Variants in P4HA1 observed in about 807,000 individuals in gnomAD.
The protein encoded by P4HA1 is prolyl 4-hydroxylase subunit alpha-1.
A neutral mutation model predicts 72.8 loss-of-function variants in P4HA1; 24 were observed. That is an observed-to-expected ratio of 0.33 (90% CI 0.24 to 0.46). The LOEUF (loss-of-function observed/expected upper bound fraction) is 0.46, where lower values mean the gene tolerates loss of function less well. Ranked by LOEUF, P4HA1 falls within the 20% of genes least tolerant of loss-of-function variation. P4HA1 has a pLI of 1.00. For missense variants in P4HA1, 446 were observed against 640.6 expected, an observed-to-expected ratio of 0.70 and a Z score of 3.28; for synonymous variants, 201 against 218.8, an observed-to-expected ratio of 0.92 and a Z score of 0.72.
chr10:73,034,094 G>T (rs1213418108), intron 9 of P4HA1, among the ~76,000 whole-genome samples: 1 of 152,040 alleles, frequency 6.6e-6, no homozygotes, highest in Non-Finnish European at 1.5e-5. Flanking sequence ...TGCCTGTGTA[G>T]TCCTAGCTAC....
At chr10:73,086,424 A>C (rs1841924354) in intron 1 of P4HA1, among the ~76,000 whole-genome samples, 1 of 152,202 alleles carries the variant, frequency 6.6e-6, no homozygotes, top group South Asian at 2.1e-4. Context: ...CTAGAAACAA[A>C]AAGTAGATTA....
At chr10:73,014,646 G>T (rs1839976611) in intron 11 of P4HA1, among the ~76,000 whole-genome samples, 1 of 152,054 alleles carries the variant, frequency 6.6e-6, no homozygotes, top group Non-Finnish European at 1.5e-5. Context: ...AGACTTATTA[G>T]CCTAAACGAC....
chr10:73,009,544 CT>C (rs1264280560), intron 14 of P4HA1: 6 of 362,086 alleles, frequency 1.7e-5, no homozygotes, highest in Non-Finnish European at 3.1e-5. Context: ...ATTATTAACC[CT>C]TTGAGGGGAA....
chr10:73,015,344 G>T (rs12251674), intron 11 of P4HA1, among the ~76,000 whole-genome samples: 4,473 of 152,118 alleles, frequency 0.029, 209 homozygotes, highest in African/African-American at 0.096. Flanking sequence ...AATGTCCTTC[G>T]ATGGGTGAAT....
intron 7 of P4HA1, among the ~76,000 whole-genome samples, chr10:73,047,833 T>G (rs1413848189): frequency 6.6e-6 from 1 of 152,118 alleles, no homozygotes; most frequent in Non-Finnish European, 1.5e-5. Flanking sequence ...GAGGATCACT[T>G]GAGCCCAAGG....
intron 5 of P4HA1, among the ~76,000 whole-genome samples, chr10:73,055,297 C>T (rs546512819): frequency 6.6e-6 from 1 of 152,296 alleles, no homozygotes; most frequent in African/African-American, 2.4e-5. Flanking sequence ...CTCCATCTCC[C>T]AGGTTCAAGC....
rs1269409326 is a variant in P4HA1 at position 73,051,215 on chromosome 10, T to C, written c.738A>G (p.Lys246=). 1 of 1,602,334 alleles carries C rather than the reference T, an allele frequency of 6.2e-7. No homozygotes were observed. The highest frequency in any genetic ancestry group is 2.2e-5 in the East Asian group (1 of 44,832). ...PEHQRANGNL[K]YFEYIMAKEK... Reference sequence around the variant, plus strand: ...CTTTAGCCATTATATACTCAAAATATTTTAAGTTACCATTAGCTCTCTGAT... The same window carrying C: ...CTTTAGCCATTATATACTCAAAATACTTTAAGTTACCATTAGCTCTCTGAT... The change falls in exon 7 of 15, where the codon AAA becomes AAG. Residue 246 remains lysine, a synonymous_variant. Coordinates refer to ENST00000394890, the MANE Select transcript of P4HA1 (RefSeq NM_001017962.3).
At chr10:73,091,730 T>C (rs1252813642) in intron 1 of P4HA1, among the ~76,000 whole-genome samples, 1 of 152,218 alleles carries the variant, frequency 6.6e-6, no homozygotes, top group Non-Finnish European at 1.5e-5. Flanking sequence ...GCTTTGATTC[T>C]TGTAATGGAA....
At chr10:73,092,113 A>G (rs1015505341) in intron 1 of P4HA1, among the ~76,000 whole-genome samples, 1 of 152,182 alleles carries the variant, frequency 6.6e-6, no homozygotes, top group African/African-American at 2.4e-5. Context: ...AAAGAGAGAC[A>G]AAATAAGACC....
intron 5 of P4HA1, among the ~76,000 whole-genome samples, chr10:73,068,353 A>G (rs1841474316): frequency 6.6e-6 from 1 of 152,204 alleles, no homozygotes; most frequent in Non-Finnish European, 1.5e-5. Flanking sequence ...AAAGTAAATT[A>G]TCATGAAAGC....
At chr10:73,064,409 A>G (rs532631101) in intron 5 of P4HA1, among the ~76,000 whole-genome samples, 123 of 152,154 alleles carry the variant, frequency 8.1e-4, no homozygotes, top group Non-Finnish European at 1.4e-3. Flanking sequence ...TGGGAGGTTG[A>G]GGCTGTAGTG....
At chr10:73,070,934 C>T (rs903217400) in intron 4 of P4HA1, among the ~76,000 whole-genome samples, 2 of 152,030 alleles carry the variant, frequency 1.3e-5, no homozygotes, top group East Asian at 1.9e-4. Flanking sequence ...TAATCCCTAG[C>T]GCTGTGGGAG....
chr10:73,073,698 G>C (rs754268253), intron 3 of P4HA1, 33 bp downstream of exon 3: 2 of 959,912 alleles, frequency 2.1e-6, no homozygotes, highest in Non-Finnish European at 3.4e-6. Flanking sequence ...TCCAGGTTGA[G>C]TCAGAGTCAT....
At chr10:73,072,214 T>TGTTTTAC (rs1841580214) in intron 3 of P4HA1, 34 bp from the exon 4 acceptor site, 1 of 1,547,708 alleles carries the variant, frequency 6.5e-7, no homozygotes. Flanking sequence ...TGAATATTTA[T>TGTTTTAC]ATTTCATAGG....
chr10:73,066,779 G>C (rs1045973977), intron 5 of P4HA1, among the ~76,000 whole-genome samples: 2 of 152,128 alleles, frequency 1.3e-5, no homozygotes, highest in Non-Finnish European at 2.9e-5. Context: ...TCATGAGATA[G>C]GATGGTTTTA....
intron 14 of P4HA1, chr10:73,009,560 T>C (rs1187535750): frequency 2.5e-6 from 1 of 405,878 alleles, no homozygotes; most frequent in Non-Finnish European, 4.6e-6. Context: ...GGGGAAGATA[T>C]TGTCTTATTC....
intron 5 of P4HA1, among the ~76,000 whole-genome samples, chr10:73,064,810 A>G (rs1841383868): frequency 1.3e-5 from 2 of 152,218 alleles, no homozygotes; most frequent in Admixed American, 6.5e-5. Flanking sequence ...ACTGCACTCC[A>G]GCCTGGGTAA....
intron 12 of P4HA1, among the ~76,000 whole-genome samples, chr10:73,012,684 A>T (rs1335121131): frequency 6.6e-6 from 1 of 152,226 alleles, no homozygotes; most frequent in East Asian, 1.9e-4. Context: ...AGATTTTGGT[A>T]GGGAGTGAGA....
rs146986784 is a variant in P4HA1, at chr10:73,057,477, G to A, written c.464-3887C>T. 2.2e-3 allele frequency among the ~76,000 whole-genome samples: 328 copies of A among 152,008 alleles called. 1 individual carries two copies. Among genetic ancestry groups the A allele is most frequent in the Middle Eastern group, 3.4e-3 (1 of 294 alleles). ...TGCACTCCAGCCTGGGCGACGGAGC[G>A]AGACTCCATCTCTTAAAAAAAACAA... On this transcript the variant is annotated intron_variant, in intron 5 of 14. Coordinates refer to ENST00000394890, the MANE Select transcript of P4HA1 (RefSeq NM_001017962.3).
Sources: gnomAD v4.1 joint callset for allele counts (sites outside exome capture counted in the v4.1 genomes callset) on GRCh38, gnomAD v4.1.1 for gene constraint, MANE v1.5 for transcripts, NCBI Gene and HGNC (gene_info 2026-07-23, HGNC 2026-07-21) for gene names.